The following MALRD1 variants were observed in gnomAD, a reference collection of about 807,000 sequenced individuals.
MALRD1 encodes MAM and LDL receptor class A domain containing 1.
In MALRD1, 247 loss-of-function variants were observed where a neutral mutation model predicts 242.1. That is an observed-to-expected ratio of 1.02 (90% confidence interval 0.92 to 1.13). The LOEUF is 1.13. Among genes scored for constraint, MALRD1 ranks in the 50% most tolerant of loss-of-function variants. MALRD1 has a pLI of 0.00. For synonymous variants in MALRD1, 995 were observed against 866.6 expected, an observed-to-expected ratio of 1.15 and a Z score of -2.60; for missense variants, 2,989 against 2,533.1, an observed-to-expected ratio of 1.18 and a Z score of -3.86.
chr10:19,395,759 G>C (rs1045558130), intron 28 of MALRD1, among the ~76,000 whole-genome samples: 1 of 152,274 alleles, frequency 6.6e-6, no homozygotes, highest in East Asian at 1.9e-4. Context: ...TCATCTTGGA[G>C]AACATGGCAA....
intron 2 of MALRD1, among the ~76,000 whole-genome samples, chr10:19,084,636 A>G (rs1835607333): frequency 6.6e-6 from 1 of 151,848 alleles, no homozygotes; most frequent in African/African-American, 2.4e-5. Context: ...ATTCTACCTT[A>G]TCTTTCCTGA....
rs912776696 is a variant in MALRD1 at position 19,393,204 on chromosome 10, G to A, written c.4845+3595G>A. On this transcript the variant is annotated intron_variant, in intron 28 of 39. Transcript: ENST00000454679. ...TTTATAATAGTTCATTTTTAAAATG[G>A]CATCCTTATTTTTGCTAATATTTCT... 5.3e-5 allele frequency among the ~76,000 whole-genome samples: 8 copies of A among 151,850 alleles called. No individual in the cohort carries two copies. In the East Asian group the frequency reaches 9.6e-4, roughly 18 times the overall value.
Position 19,551,266 on chromosome 10 carries a change from A to G in MALRD1, c.5479-16236A>G, listed in dbSNP as rs146229866. ...TCCCATCGTCTCTGATATTTTTGTC[A>G]TCTCCCATATTTTTCAGCACTGTCT... On this transcript the variant is annotated intron_variant, in intron 32 of 39. Transcript: ENST00000454679. Among the ~76,000 whole-genome samples, 23 of 151,976 alleles carry G rather than the reference A, an allele frequency of 1.5e-4. No homozygotes were observed. In the East Asian group the frequency reaches 4.1e-3, roughly 27 times the overall value.
chr10:19,201,356 C>G (rs1836529827), intron 14 of MALRD1, among the ~76,000 whole-genome samples: 1 of 152,090 alleles, frequency 6.6e-6, no homozygotes, highest in Admixed American at 6.6e-5. Flanking sequence ...TTTGAAGAGT[C>G]TTATCTAAGA....
intron 2 of MALRD1, among the ~76,000 whole-genome samples, chr10:19,072,574 T>G (rs1320145055): frequency 6.6e-6 from 1 of 152,124 alleles, no homozygotes; most frequent in African/African-American, 2.4e-5. Flanking sequence ...AAACATTAAT[T>G]GAGCATTTTA....
intron 36 of MALRD1, among the ~76,000 whole-genome samples, chr10:19,682,954 CT>C (rs772089590): frequency 6.6e-6 from 1 of 152,142 alleles, no homozygotes; most frequent in Non-Finnish European, 1.5e-5. Flanking sequence ...TGATTCTTCC[CT>C]TTCCTGTGTA....
In MALRD1 at chr10:19,068,714, T is replaced by C. The variant is rs535579574; in HGVS notation, c.340+1855T>C. Among the ~76,000 whole-genome samples the C allele has an allele frequency of 7.9e-5, 12 of 152,252 alleles. No individual in the cohort carries two copies. In the South Asian group the frequency reaches 2.3e-3, roughly 29 times the overall value. ...GATATTAGCTGTTGGAACATATTTA[T>C]AGAAAAATGGTCTGAATCCTGTCTT... On this transcript the variant is annotated intron_variant, in intron 2 of 39. Transcript: ENST00000454679.
Position 19,330,636 on chromosome 10 carries a change from A to G in MALRD1, c.3688-733A>G, listed in dbSNP as rs572323284. Among the ~76,000 whole-genome samples, 17 of 152,290 alleles carry G rather than the reference A, an allele frequency of 1.1e-4. No individual in the cohort carries two copies. The South Asian group carries it at 3.3e-3, about 30-fold the overall frequency. On this transcript the variant is annotated intron_variant, in intron 23 of 39. Transcript: ENST00000454679. ...TGATGTTTTATGTACCTGTGAAACA[A>G]CATTCATTTTTATTCCAAGCAATGG...
chr10:19,225,375 C>G (rs933111234), intron 18 of MALRD1, among the ~76,000 whole-genome samples: 1 of 152,058 alleles, frequency 6.6e-6, no homozygotes, highest in African/African-American at 2.4e-5. Context: ...ACATCAAAAC[C>G]TCTGTTTATA....
intron 12 of MALRD1, among the ~76,000 whole-genome samples, chr10:19,156,957 C>A (rs2131471714): frequency 6.6e-6 from 1 of 152,242 alleles, no homozygotes; most frequent in Non-Finnish European, 1.5e-5. Context: ...TCTCTAAAGG[C>A]TATGGATACT....
At chr10:19,278,498 CATCT>C (rs1456475503) in intron 19 of MALRD1, among the ~76,000 whole-genome samples, 1 of 152,024 alleles carries the variant, frequency 6.6e-6, no homozygotes, top group Non-Finnish European at 1.5e-5. Flanking sequence ...TCCATCCATC[CATCT>C]GTCCATCTAT....
intron 27 of MALRD1, 78 bp downstream of exon 27, chr10:19,387,851 G>T (rs142318063): frequency 1.4e-6 from 2 of 1,479,806 alleles, no homozygotes; most frequent in African/African-American, 2.8e-5. Context: ...GATAGCAACT[G>T]GGGAGCTCTG....
At chr10:19,172,504 A>G (rs1212191763) in intron 13 of MALRD1, among the ~76,000 whole-genome samples, 2 of 151,766 alleles carry the variant, frequency 1.3e-5, no homozygotes, top group African/African-American at 4.8e-5. Flanking sequence ...TAATATGAAT[A>G]TCTAAAGGAA....
chr10:19,465,262 G>A (rs886997373), intron 29 of MALRD1, among the ~76,000 whole-genome samples: 4 of 152,202 alleles, frequency 2.6e-5, no homozygotes, highest in African/African-American at 4.8e-5. Flanking sequence ...TAGAAGTGGT[G>A]AGAGTGGGCA....
chr10:19,237,598 AATTATAAT>A (rs1564490465), intron 18 of MALRD1, among the ~76,000 whole-genome samples: 4 of 7,314 alleles, frequency 5.5e-4, no homozygotes, highest in African/African-American at 5.0e-3. Context: ...ATAATTATAT[AATTATAAT>A]TATAATTATA....
intron 29 of MALRD1, among the ~76,000 whole-genome samples, chr10:19,480,254 C>T (rs7920815): frequency 0.023 from 3,572 of 152,224 alleles, 86 homozygotes; most frequent in African/African-American, 0.062. Flanking sequence ...TGATATGTTG[C>T]GGAGAAATCT....
chr10:19,096,868 A>T (rs776022578), intron 4 of MALRD1, among the ~76,000 whole-genome samples: 31 of 152,172 alleles, frequency 2.0e-4, no homozygotes, highest in Non-Finnish European at 4.1e-4. Flanking sequence ...GCTTTGGAGA[A>T]AGCCTCTGCA....
At chr10:19,623,809 A>G (rs1006770646) in intron 36 of MALRD1, among the ~76,000 whole-genome samples, 6 of 151,744 alleles carry the variant, frequency 4.0e-5, no homozygotes, top group Non-Finnish European at 5.9e-5. Context: ...TACCCAGTCT[A>G]CTGATTAAAA....
chr10:19,585,465 T>A (rs1246417888), intron 33 of MALRD1, among the ~76,000 whole-genome samples: 4 of 152,166 alleles, frequency 2.6e-5, no homozygotes, highest in Non-Finnish European at 5.9e-5. Flanking sequence ...TAAAGTATTT[T>A]ATTTCTCCTT....
Sources: allele counts gnomAD v4.1 joint callset (sites outside exome capture counted in the v4.1 genomes callset), GRCh38; gene constraint gnomAD v4.1.1; transcripts MANE v1.5; gene names NCBI Gene and HGNC (gene_info 2026-07-23, HGNC 2026-07-21).